The following LMTK2 variants were observed in gnomAD, a reference collection of about 807,000 sequenced individuals.
LMTK2 encodes the protein serine/threonine-protein kinase LMTK2.
A neutral mutation model predicts 127.5 loss-of-function variants in LMTK2; 37 were observed. The ratio of observed to expected loss-of-function variants is 0.29; its 90% CI spans 0.22 to 0.38. The LOEUF (loss-of-function observed/expected upper bound fraction) is 0.38. Among genes scored for constraint, LMTK2 ranks in the 10% least tolerant of loss-of-function variants. The pLI is 1.00. For missense variants in LMTK2, 1,694 were observed against 1,920.3 expected (o/e 0.88, Z 2.20); for synonymous variants, 819 against 810.1 (o/e 1.01, Z -0.19).
chr7:98,205,551 G>T lies in LMTK2; in HGVS notation c.*59G>T, dbSNP rs1011280102. On this transcript the variant is annotated 3_prime_UTR_variant, in exon 14 of 14. Coordinates refer to ENST00000297293, the MANE Select transcript of LMTK2 (RefSeq NM_014916.4). ...TGCTCCCCTGGAGCGGCGCCCCTGC[G>T]CCCTCAGCCCGAGCAGCGACATCCA... The T allele has an allele frequency of 6.3e-7, 1 of 1,578,522 alleles. No homozygotes were observed. Among genetic ancestry groups the T allele is most frequent in the Non-Finnish European group, 8.7e-7 (1 of 1,155,670 alleles).
At chr7:98,127,713 G>C (rs6975661) in intron 1 of LMTK2, among the ~76,000 whole-genome samples, 150,822 of 152,356 alleles carry the variant, frequency 0.99, 74,674 homozygotes, top group Middle Eastern at 1. Context: ...TTGGAGTGTT[G>C]CTAACACAAA....
rs528801436 is a variant in LMTK2, at chr7:98,193,250, C to T, written c.2785C>T (p.Pro929Ser). The T allele has an allele frequency of 2.5e-5, 41 of 1,613,658 alleles. No individual in the cohort carries two copies. The South Asian group carries it at 4.1e-4, about 16-fold the overall frequency. Residue 929 changes from proline to serine, a missense_variant, in exon 11 of 14, where the codon CCA (proline) becomes TCA (serine). Transcript: ENST00000297293. The surrounding 1 kb of genome is among the most constrained non-coding windows in gnomAD (Gnocchi z 4.1). ...PELGQELHNK[P>S]FSEDHHSHRR... ...ACTGGGACAGGAATTGCACAATAAACCATTTTCGGAAGACCATCACAGTCA... is the reference window on the plus strand; with the variant it reads ...ACTGGGACAGGAATTGCACAATAAATCATTTTCGGAAGACCATCACAGTCA...
chr7:98,190,420 A>C (rs1054022153), intron 9 of LMTK2, among the ~76,000 whole-genome samples: 2 of 152,204 alleles, frequency 1.3e-5, no homozygotes, highest in Non-Finnish European at 2.9e-5. Context: ...TATCTCTACT[A>C]AAATTATAAA....
rs1381714754 is a variant in LMTK2, at chr7:98,193,405, G to A, written c.2940G>A (p.Glu980=). Residue 980 remains glutamate, a synonymous_variant, in exon 11 of 14, where the codon GAG becomes GAA. Transcript: ENST00000297293. The surrounding 1 kb of genome is among the most constrained non-coding windows in gnomAD (Gnocchi z 4.1). ...SDSTSQDSLL[E]DSLSAPFPAS... ...CAACCAGTCAGGACAGCCTCCTGGA[G>A]GACAGCTTGTCAGCACCCTTCCCAG... The A allele has an allele frequency of 6.2e-7, 1 of 1,614,122 alleles. No homozygotes were observed. The highest frequency in any genetic ancestry group is 2.2e-5 in the East Asian group (1 of 44,882).
In LMTK2 at chr7:98,205,690, T is replaced by C; in HGVS notation, c.*198T>C. The C allele has an allele frequency of 1.6e-6, 1 of 627,052 alleles. No homozygotes were observed. The highest frequency in any genetic ancestry group is 2.8e-6 in the Non-Finnish European group (1 of 359,742). The allele number at this position is 627,052 out of a possible 1,614,324, so 38.8% of individuals were successfully genotyped here. On this transcript the variant is annotated 3_prime_UTR_variant, in exon 14 of 14. Transcript: ENST00000297293. ...GGAGCCCAGGTGCAGAGCGAGGCCG[T>C]GTCCAGGAGCCGGCGTCCCTCAGTG...
At position 98,208,779 on chromosome 7, in the gene LMTK2, G is replaced by A. The variant is rs1211863150; in HGVS notation, c.*3287G>A. 10 of 152,338 alleles carry A rather than the reference G, an allele frequency of 6.6e-5. No individual in the cohort carries two copies. The highest frequency in any genetic ancestry group is 1.2e-4 in the Non-Finnish European group (8 of 68,030). 9.4% of individuals were successfully genotyped at this position (152,338 alleles called of 1,614,324 possible). A position where few individuals can be genotyped will look rare whatever the true frequency, so the allele number is the denominator to read the frequency against. On this transcript the variant is annotated 3_prime_UTR_variant, in exon 14 of 14. Transcript: ENST00000297293. ...TTCACCGTAAGGGTGCAGAAAGCTC[G>A]ACCAAGCCGAATTGCAAACAACGTT...
chr7:98,121,237 T>C (rs866204111), intron 1 of LMTK2, among the ~76,000 whole-genome samples: 2 of 152,192 alleles, frequency 1.3e-5, no homozygotes, highest in South Asian at 2.1e-4. Context: ...TCTCTGGATA[T>C]TGATTTCTGT....
At chr7:98,202,001 C>A (rs1428169008) in intron 11 of LMTK2, among the ~76,000 whole-genome samples, 1 of 152,312 alleles carries the variant, frequency 6.6e-6, no homozygotes, top group East Asian at 1.9e-4. Context: ...TTCAGGCATT[C>A]TTTTCTTCTA....
At chr7:98,177,412 T>TGCA (rs1432291915) in intron 7 of LMTK2, among the ~76,000 whole-genome samples, 1 of 152,228 alleles carries the variant, frequency 6.6e-6, no homozygotes, top group Non-Finnish European at 1.5e-5. Flanking sequence ...CATGGAAAGA[T>TGCA]GCACCATGAT....
chr7:98,122,056 A>T (rs968708349), intron 1 of LMTK2, among the ~76,000 whole-genome samples: 17 of 152,240 alleles, frequency 1.1e-4, no homozygotes, highest in African/African-American at 4.1e-4. Context: ...CTATGAGATG[A>T]CATTATACCA....
In LMTK2 at chr7:98,192,659, C is replaced by CT; in HGVS notation, c.2195dup (p.Gly734ArgfsTer11). 1 of 1,610,492 alleles carries CT rather than the reference C, an allele frequency of 6.2e-7. No individual in the cohort carries two copies. Among genetic ancestry groups the CT allele is most frequent in the Non-Finnish European group, 8.5e-7 (1 of 1,179,024 alleles). On this transcript the variant is annotated frameshift_variant, in exon 11 of 14. Transcript: ENST00000297293. LOFTEE classifies it high-confidence loss of function. ...TTTATTTCTTCAAGAGAAAAACTTA[C>CT]TAAAAGGCTCATTGTCCAGCAAAGA...
intron 6 of LMTK2, among the ~76,000 whole-genome samples, chr7:98,163,865 G>A (rs1175063197): frequency 3.3e-5 from 5 of 152,220 alleles, no homozygotes; most frequent in Non-Finnish European, 1.5e-5. Flanking sequence ...GAGGGCAGCG[G>A]TCTGGGCTCT....
intron 5 of LMTK2, among the ~76,000 whole-genome samples, chr7:98,158,379 A>G (rs1796960208): frequency 6.6e-6 from 1 of 152,174 alleles, no homozygotes; most frequent in African/African-American, 2.4e-5. Context: ...CGCTCACGCA[A>G]TACTCCCGGC....
intron 1 of LMTK2, among the ~76,000 whole-genome samples, chr7:98,110,736 A>G (rs1584238168): frequency 6.6e-6 from 1 of 152,228 alleles, no homozygotes. Context: ...TGGTGAGACA[A>G]GGAAACCCAG....
intron 3 of LMTK2, among the ~76,000 whole-genome samples, chr7:98,150,185 G>GTAGTCCCAGCTACTCGGGAGGC (rs1369498379): frequency 6.6e-6 from 1 of 152,006 alleles, no homozygotes; most frequent in African/African-American, 2.4e-5. Flanking sequence ...GCAGGTGCCT[G>GTAGTCCCAGCTACTCGGGAGGC]TAGTCCCAGC....
intron 1 of LMTK2, among the ~76,000 whole-genome samples, chr7:98,114,437 A>T (rs990562102): frequency 6.6e-6 from 1 of 151,674 alleles, no homozygotes; most frequent in African/African-American, 2.4e-5. Flanking sequence ...TAGAGATGGG[A>T]TCTCACTATA....
At chr7:98,149,317 A>G (rs1049884991) in intron 3 of LMTK2, among the ~76,000 whole-genome samples, 1 of 152,108 alleles carries the variant, frequency 6.6e-6, no homozygotes, top group Admixed American at 6.5e-5. Context: ...AGCTACAAAG[A>G]TATTCTACCC....
At chr7:98,148,891 C>T (rs1796810388) in intron 3 of LMTK2, among the ~76,000 whole-genome samples, 1 of 152,146 alleles carries the variant, frequency 6.6e-6, no homozygotes, top group Non-Finnish European at 1.5e-5. Context: ...CGCATCCTGC[C>T]CTGAGCATAC....
At chr7:98,125,070 G>A (rs1238599137) in intron 1 of LMTK2, among the ~76,000 whole-genome samples, 1 of 151,622 alleles carries the variant, frequency 6.6e-6, no homozygotes, top group Non-Finnish European at 1.5e-5. Flanking sequence ...TTGGGAGGCC[G>A]AGGCGGGCGG....
Sources: allele counts gnomAD v4.1 joint callset (sites outside exome capture counted in the v4.1 genomes callset), GRCh38; gene constraint gnomAD v4.1.1; non-coding constraint Gnocchi (gnomAD v3.1); transcripts MANE v1.5; gene names NCBI Gene and HGNC (gene_info 2026-07-23, HGNC 2026-07-21).